MFAP5: variants seen among roughly 807,000 people sequenced by gnomAD.
MFAP5 encodes the protein microfibrillar-associated protein 5.
In MFAP5, 19 loss-of-function variants were observed where a neutral mutation model predicts 30.1. That is an observed-to-expected ratio of 0.63 (90% confidence interval 0.44 to 0.93). The LOEUF is 0.93. Among genes scored for constraint, MFAP5 ranks in the 40% least tolerant of loss-of-function variants. MFAP5 has a pLI of 0.00. For missense variants in MFAP5, 210 were observed against 221.3 expected (o/e 0.95, Z 0.32); for synonymous variants, 92 against 72.9 (o/e 1.26, Z -1.33).
At chr12:8,656,337 C>T (rs970137579) in intron 3 of MFAP5, among the ~76,000 whole-genome samples, 1 of 151,508 alleles carries the variant, frequency 6.6e-6, no homozygotes, top group Non-Finnish European at 1.5e-5. Context: ...CGTGAGCCAC[C>T]GCGCCCAGCC....
intron 9 of MFAP5, chr12:8,648,672 T>G: frequency 2.3e-6 from 1 of 432,836 alleles, no homozygotes; most frequent in Non-Finnish European, 3.9e-6. Context: ...GAGTCCCAAA[T>G]ACCCATCCTC....
chr12:8,656,573 A>AATATATATATATATATATATATAT (rs71957081), intron 3 of MFAP5, among the ~76,000 whole-genome samples: 1 of 128,548 alleles, frequency 7.8e-6, no homozygotes, highest in African/African-American at 3.3e-5. Flanking sequence ...ATGCCTGGCT[A>AATATATATATATATATATATATAT]ATATATATAT....
chr12:8,655,275 G>T, intron 5 of MFAP5, 140 bp downstream of exon 5: 1 of 851,914 alleles, frequency 1.2e-6, no homozygotes, highest in Non-Finnish European at 1.7e-6. Context: ...AACAGAATGA[G>T]ACTCCCTCTC....
chr12:8,655,776 T>A lies in MFAP5; in HGVS notation c.139+10A>T, dbSNP rs1329614871. 6.2e-7 allele frequency: 1 copy of A among 1,608,450 alleles called. No homozygotes were observed. Among genetic ancestry groups the A allele is most frequent in the African/African-American group, 1.3e-5 (1 of 74,924 alleles). ...CAGCAAACAAACAAACAAACAAAAG[T>A]GTAGCTTACTAGGATCTTCTGTGAA... On this transcript the variant is annotated intron_variant, in intron 4 of 9. Transcript: ENST00000359478.
At position 8,646,049 on chromosome 12, in the gene MFAP5, G is replaced by A. The variant is rs999873864; in HGVS notation, c.*2042C>T. On this transcript the variant is annotated 3_prime_UTR_variant, in exon 10 of 10. Coordinates refer to ENST00000359478, the MANE Select transcript of MFAP5 (RefSeq NM_003480.4). Reference sequence around the variant, plus strand: ...ACTGGAATTGAAATGCTGTCTGATGGAAATGTTGCAATGTGGAGTAGGAGG... The same window carrying A: ...ACTGGAATTGAAATGCTGTCTGATGAAAATGTTGCAATGTGGAGTAGGAGG... The A allele has an allele frequency of 6.6e-6, 1 of 152,588 alleles. No homozygotes were observed. Among genetic ancestry groups the A allele is most frequent in the Admixed American group, 6.5e-5 (1 of 15,278 alleles). 9.5% of individuals were successfully genotyped at this position (152,588 alleles called of 1,614,324 possible). A position where few individuals can be genotyped will look rare whatever the true frequency, so the allele number is the denominator to read the frequency against.
At chr12:8,660,965 G>A (rs1218581114) in intron 2 of MFAP5, 67 bp from the exon 3 acceptor site, 1 of 1,316,988 alleles carries the variant, frequency 7.6e-7, no homozygotes, top group African/African-American at 1.5e-5. Context: ...CCTTTTATGA[G>A]ACAAATCAGA....
At position 8,651,386 on chromosome 12, in the gene MFAP5, C is replaced by T. The variant is rs35230480; in HGVS notation, c.247+276G>A. Among the ~76,000 whole-genome samples, 8,370 of 152,196 alleles carry T rather than the reference C, an allele frequency of 0.055. 252 individuals are homozygous for T. The highest frequency in any genetic ancestry group is 0.1 in the Middle Eastern group (30 of 294). Reference sequence around the variant, plus strand: ...CCTTGAAGTTAAATTGATTTCACTTCCCAATCCACTAACCACCACATAATG... The same window carrying T: ...CCTTGAAGTTAAATTGATTTCACTTTCCAATCCACTAACCACCACATAATG... On this transcript the variant is annotated intron_variant, in intron 7 of 9. Transcript: ENST00000359478.
intron 3 of MFAP5, among the ~76,000 whole-genome samples, chr12:8,659,934 T>C (rs1222330898): frequency 6.6e-6 from 1 of 152,066 alleles, no homozygotes; most frequent in African/African-American, 2.4e-5. Flanking sequence ...TGGAGCGCTC[T>C]GTCCTCTAAC....
Position 8,649,583 on chromosome 12 carries a change from G to A in MFAP5, c.336-9C>T, listed in dbSNP as rs117523212. On this transcript the variant is annotated splice_polypyrimidine_tract_variant and intron_variant, in intron 8 of 9. Coordinates refer to ENST00000359478, the MANE Select transcript of MFAP5 (RefSeq NM_003480.4). ...TGTACATACGTCGTAAACTGCAGAC[G>A]TCCCAGTGTCATAGGCAAGGAAGGA... 6.3e-4 allele frequency: 1,021 copies of A among 1,612,728 alleles called. 5 individuals carry two copies. In the East Asian group the frequency reaches 0.011, roughly 17 times the overall value.
chr12:8,650,867 G>A (rs1486024593), intron 7 of MFAP5, among the ~76,000 whole-genome samples: 3 of 152,090 alleles, frequency 2.0e-5, no homozygotes, highest in African/African-American at 2.4e-5. Flanking sequence ...AGAATTGTCC[G>A]TTATGAAATA....
In MFAP5 at chr12:8,650,570, A is replaced by G. The variant is rs758477431; in HGVS notation, c.267T>C (p.Phe89=). 6.8e-6 allele frequency: 11 copies of G among 1,613,920 alleles called. 1 individual carries two copies. The highest frequency in any genetic ancestry group is 6.6e-5 in the South Asian group (6 of 91,082). Residue 89 remains phenylalanine (F), a synonymous_variant, in exon 8 of 10, where the codon TTT becomes TTC. Coordinates refer to ENST00000359478, the MANE Select transcript of MFAP5 (RefSeq NM_003480.4). ...NTTAECWDEK[F]TCTRLYSVHR... is the part of the protein sequence containing the mutation. ...GCACAGAGTAGAGCCTTGTGCAGGTAAATTTCTCATCCCAGCACTCTGAGG... is the reference window on the plus strand; with the variant it reads ...GCACAGAGTAGAGCCTTGTGCAGGTGAATTTCTCATCCCAGCACTCTGAGG...
intron 7 of MFAP5, among the ~76,000 whole-genome samples, chr12:8,651,072 C>T (rs779424489): frequency 1.3e-5 from 2 of 152,136 alleles, no homozygotes; most frequent in South Asian, 2.1e-4. Context: ...GAGGCTGAGG[C>T]GGGAGAATCA....
At position 8,660,884 on chromosome 12, in the gene MFAP5, C is replaced by T. The variant is rs923549897; in HGVS notation, c.73G>A (p.Gly25Arg). Residue 25 changes from glycine to arginine, a missense_variant, in exon 3 of 10, where the codon GGG becomes AGG. Transcript: ENST00000359478. Reference sequence around the variant, plus strand: ...CTACCTCCTCGTTGACTATTGACCCCCAGGGGTATCCAGTCTATAGCAAAG... The same window carrying T: ...CTACCTCCTCGTTGACTATTGACCCTCAGGGGTATCCAGTCTATAGCAAAG... Reference protein sequence around the residue: ...FIITSDWIPLGVNSQRGDDVT... With the variant: ...FIITSDWIPLRVNSQRGDDVT... 6.2e-7 allele frequency: 1 copy of T among 1,612,492 alleles called. No individual in the cohort carries two copies. The highest frequency in any genetic ancestry group is 1.3e-5 in the African/African-American group (1 of 74,902).
intron 9 of MFAP5, among the ~76,000 whole-genome samples, chr12:8,649,144 G>A (rs1325911872): frequency 3.9e-5 from 6 of 152,084 alleles, no homozygotes; most frequent in Non-Finnish European, 5.9e-5. Flanking sequence ...ACATGGCTGC[G>A]GACTAGCAGA....
At chr12:8,655,538 C>G (rs185705650) in intron 4 of MFAP5, 91 bp from the exon 5 acceptor site, 1 of 1,339,244 alleles carries the variant, frequency 7.5e-7, no homozygotes, top group African/African-American at 1.5e-5. Context: ...TCAAAGGAGG[C>G]AAGAAAGGCT....
In MFAP5 at chr12:8,648,171, G is replaced by A. The variant is rs148770543; in HGVS notation, c.442C>T (p.Pro148Ser). 630 of 1,613,794 alleles carry A rather than the reference G, an allele frequency of 3.9e-4. 8 individuals are homozygous for A. The Middle Eastern group carries it at 0.018, about 45-fold the overall frequency. Reference protein sequence around the residue: ...ELCRQMAGLPPRRLRRSNYFR... With the variant: ...ELCRQMAGLPSRRLRRSNYFR... ...TAATTGGAGCGACGGAGTCTCCTAG[G>A]GGGCAGACCAGCCATCTGACGGCAA... Residue 148 changes from proline to serine, a missense_variant, in exon 10 of 10, where the codon CCT becomes TCT. Pro to Ser is a moderately conservative substitution (Grantham distance 74). Transcript: ENST00000359478.
intron 8 of MFAP5, chr12:8,650,282 CT>C: frequency 1.9e-6 from 1 of 529,876 alleles, no homozygotes; most frequent in Non-Finnish European, 3.4e-6. Context: ...CAGCGCCCAC[CT>C]TCATTTCCCT....
rs767675619 is a variant in MFAP5 at position 8,654,368 on chromosome 12, A to C, written c.217+69T>G. On this transcript the variant is annotated intron_variant, in intron 6 of 9. Coordinates refer to ENST00000359478, the MANE Select transcript of MFAP5 (RefSeq NM_003480.4). ...TAGGATCCTTCAGCAGCTGCACACT[A>C]TCCAGAATGGGCTCTGGGGAAAGCC... 13 of 1,452,608 alleles carry C rather than the reference A, an allele frequency of 8.9e-6. No homozygotes were observed. In the South Asian group the frequency reaches 1.1e-4, roughly 12 times the overall value. 90.0% of individuals were successfully genotyped at this position (1,452,608 alleles called of 1,614,324 possible).
rs757570071 is a variant in MFAP5, at chr12:8,650,549, A to G, written c.288T>C (p.Ser96=). 6.2e-6 allele frequency: 10 copies of G among 1,614,082 alleles called. No homozygotes were observed. In the South Asian group the frequency reaches 6.6e-5, roughly 11 times the overall value. The change falls in exon 8 of 10, where the codon TCT becomes TCC. Residue 96 remains serine, a synonymous_variant. Coordinates refer to ENST00000359478, the MANE Select transcript of MFAP5 (RefSeq NM_003480.4). ...TGCATTGTTTAACCGGCCGATGCAC[A>G]GAGTAGAGCCTTGTGCAGGTAAATT... ...DEKFTCTRLY[S]VHRPVKQCIH...
Sources: allele counts gnomAD v4.1 joint callset (sites outside exome capture counted in the v4.1 genomes callset), GRCh38; gene constraint gnomAD v4.1.1; transcripts MANE v1.5; gene names NCBI Gene and HGNC (gene_info 2026-07-23, HGNC 2026-07-21).